The following ITSN1 variants were observed in gnomAD, a reference collection of about 807,000 sequenced individuals.
ITSN1 encodes intersectin-1.
In ITSN1, 58 loss-of-function variants were observed where a neutral mutation model predicts 239.8. That is an observed-to-expected ratio of 0.24 (90% CI 0.20 to 0.30). ITSN1 has a LOEUF of 0.30. Among genes scored for constraint, ITSN1 ranks in the 10% least tolerant of loss-of-function variants. The pLI is 1.00. For synonymous variants in ITSN1, 780 were observed against 770.8 expected (o/e 1.01, Z -0.20); for missense variants, 1,558 against 2,103.3 (o/e 0.74, Z 5.07).
intron 20 of ITSN1, among the ~76,000 whole-genome samples, chr21:33,803,330 ATTCT>A (rs2072154387): frequency 6.6e-6 from 1 of 152,126 alleles, no homozygotes; most frequent in Non-Finnish European, 1.5e-5. Flanking sequence ...CCTTCCTCTC[ATTCT>A]TCTCCTTCCT....
At chr21:33,762,359 C>T (rs564375953) in intron 9 of ITSN1, among the ~76,000 whole-genome samples, 24 of 151,958 alleles carry the variant, frequency 1.6e-4, no homozygotes, top group Admixed American at 3.9e-4. Flanking sequence ...CTCCACCTCC[C>T]GGGTTCAAGC....
intron 14 of ITSN1, among the ~76,000 whole-genome samples, chr21:33,776,433 CACCTGTAGT>C (rs2069626217): frequency 6.7e-6 from 1 of 149,116 alleles, no homozygotes; most frequent in Admixed American, 6.7e-5. Flanking sequence ...TGGGGGCGTT[CACCTGTAGT>C]ACCTGCCTGA....
At chr21:33,844,230 T>C (rs951460193) in intron 29 of ITSN1, among the ~76,000 whole-genome samples, 1 of 152,224 alleles carries the variant, frequency 6.6e-6, no homozygotes, top group Non-Finnish European at 1.5e-5. Context: ...CAGAGACCTC[T>C]GGACCAAAGA....
chr21:33,654,360 A>AT (rs1186192357), intron 1 of ITSN1, among the ~76,000 whole-genome samples: 4 of 151,278 alleles, frequency 2.6e-5, no homozygotes, highest in African/African-American at 9.7e-5. Flanking sequence ...CTGGCCTTTG[A>AT]TTTTTTAAAT....
intron 36 of ITSN1, 41 bp downstream of exon 36, chr21:33,883,712 A>G (rs1016283239): frequency 6.2e-7 from 1 of 1,605,816 alleles, no homozygotes; most frequent in African/African-American, 1.3e-5. Context: ...CCAGGGCTCC[A>G]CGGCTCTAGG....
At position 33,893,826 on chromosome 21, in the gene ITSN1, C is replaced by T. The variant is rs1349626071; in HGVS notation, c.*5526C>T. Reference sequence around the variant, plus strand: ...CATTTCATCAGGATCAAGTAAGATACATAACCTTATATCTGTAGGAGCCAG... The same window carrying T: ...CATTTCATCAGGATCAAGTAAGATATATAACCTTATATCTGTAGGAGCCAG... On this transcript the variant is annotated 3_prime_UTR_variant, in exon 40 of 40. Transcript: ENST00000381318. The T allele has an allele frequency of 6.7e-6, 1 of 149,368 alleles. No homozygotes were observed. The highest frequency in any genetic ancestry group is 1.5e-5 in the Non-Finnish European group (1 of 67,536). The allele number at this position is 149,368 out of a possible 1,614,324, so 9.3% of individuals were successfully genotyped here.
rs527473066 is a variant in ITSN1 at position 33,730,300 on chromosome 21, C to T, written c.186-4744C>T. ...TATTTTTGTTGGAAAAAAGCAGGTACATAATGTATATAACGTGTATGTATT... is the reference window on the plus strand; with the variant it reads ...TATTTTTGTTGGAAAAAAGCAGGTATATAATGTATATAACGTGTATGTATT... On this transcript the variant is annotated intron_variant, in intron 4 of 39. Coordinates refer to ENST00000381318, the MANE Select transcript of ITSN1 (RefSeq NM_003024.3). 4.7e-5 allele frequency among the ~76,000 whole-genome samples: 7 copies of T among 148,406 alleles called. 1 individual carries two copies. In the South Asian group the frequency reaches 1.5e-3, roughly 33 times the overall value.
At chr21:33,877,825 TTGTGTGTGTGTG>T (rs3835379) in intron 34 of ITSN1, among the ~76,000 whole-genome samples, 67,530 of 147,184 alleles carry the variant, frequency 0.46, 15,703 homozygotes, top group African/African-American at 0.58. Context: ...TGTTTCTATT[TTGTGTGTGTGTG>T]TGTGTGTGTG....
intron 1 of ITSN1, among the ~76,000 whole-genome samples, chr21:33,702,501 T>G (rs1222176143): frequency 3.3e-5 from 5 of 152,192 alleles, no homozygotes; most frequent in Admixed American, 2.0e-4. Context: ...CAATTACAGT[T>G]TAATTATTTG....
At chr21:33,845,958 G>C (rs529761837) in intron 29 of ITSN1, among the ~76,000 whole-genome samples, 1 of 152,260 alleles carries the variant, frequency 6.6e-6, no homozygotes, top group African/African-American at 2.4e-5. Context: ...GGAAGGGATG[G>C]GGGTGCAGGC....
At chr21:33,725,133 G>GTTTTTTTTTTTTT (rs1171718411) in intron 4 of ITSN1, among the ~76,000 whole-genome samples, 3 of 91,176 alleles carry the variant, frequency 3.3e-5, no homozygotes, top group Non-Finnish European at 3.9e-5. Flanking sequence ...TTTTTTTTTT[G>GTTTTTTTTTTTTT]TTTTTTTTTT....
chr21:33,879,708 C>A (rs1480875242), intron 34 of ITSN1, among the ~76,000 whole-genome samples: 3 of 152,148 alleles, frequency 2.0e-5, no homozygotes, highest in African/African-American at 4.8e-5. Context: ...GAGACAGAGT[C>A]TCACTCTCTT....
Position 33,817,692 on chromosome 21 carries a change from T to C in ITSN1, c.2728-575T>C, listed in dbSNP as rs182623889. ...ACTGTTTTTTTCATCTGTAATCTCATGGGGCAGTGCATGTAGATGTACAAT... is the reference window on the plus strand; with the variant it reads ...ACTGTTTTTTTCATCTGTAATCTCACGGGGCAGTGCATGTAGATGTACAAT... On this transcript the variant is annotated intron_variant, in intron 22 of 39. Coordinates refer to ENST00000381318, the MANE Select transcript of ITSN1 (RefSeq NM_003024.3). 96 of 1,109,030 alleles carry C rather than the reference T, an allele frequency of 8.7e-5. 1 individual carries two copies. In the East Asian group the frequency reaches 4.4e-3, roughly 50 times the overall value. The allele number at this position is 1,109,030 out of a possible 1,614,324, so 68.7% of individuals were successfully genotyped here. A position where few individuals can be genotyped will look rare whatever the true frequency, so the allele number is the denominator to read the frequency against.
At position 33,882,188 on chromosome 21, in the gene ITSN1, T is replaced by C. The variant is rs1985049099; in HGVS notation, c.4342-55T>C. On this transcript the variant is annotated intron_variant, in intron 34 of 39. Coordinates refer to ENST00000381318, the MANE Select transcript of ITSN1 (RefSeq NM_003024.3). This position sits in a 1 kb window ranked among gnomAD's most constrained non-coding sequence, Gnocchi z 4.5. ...CTCTGATTCTGATGGAGCCCATGCT[T>C]TCAGATGCGGAGAAACAAAAATGCT... 2.7e-6 allele frequency: 4 copies of C among 1,501,134 alleles called. No homozygotes were observed. The Admixed American group carries it at 7.1e-5, about 27-fold the overall frequency. The allele number at this position is 1,501,134 out of a possible 1,614,324, so 93.0% of individuals were successfully genotyped here. A position where few individuals can be genotyped will look rare whatever the true frequency, so the allele number is the denominator to read the frequency against.
chr21:33,680,919 C>G (rs148110204), intron 1 of ITSN1, among the ~76,000 whole-genome samples: 235 of 152,310 alleles, frequency 1.5e-3, no homozygotes, highest in African/African-American at 5.4e-3. Context: ...ATTAATTAGT[C>G]AGCTTTTGCT....
chr21:33,732,941 GA>G (rs1411665781), intron 4 of ITSN1, among the ~76,000 whole-genome samples: 3 of 152,138 alleles, frequency 2.0e-5, no homozygotes, highest in Non-Finnish European at 4.4e-5. Flanking sequence ...TGAACAACCG[GA>G]AAGATTGTCT....
chr21:33,805,308 T>C (rs2072328748), intron 20 of ITSN1, among the ~76,000 whole-genome samples: 1 of 152,252 alleles, frequency 6.6e-6, no homozygotes. Flanking sequence ...TTAGTGTTAC[T>C]CTTATAACAA....
intron 22 of ITSN1, chr21:33,817,140 G>A: frequency 8.4e-7 from 1 of 1,196,834 alleles, no homozygotes; most frequent in South Asian, 1.6e-5. Context: ...TTGAAAGTTG[G>A]TGTTTCATTT....
At chr21:33,869,698 G>T (rs1461299654) in intron 33 of ITSN1, among the ~76,000 whole-genome samples, 5 of 152,138 alleles carry the variant, frequency 3.3e-5, no homozygotes, top group Non-Finnish European at 7.3e-5. Context: ...TATAGCTCCT[G>T]GAAAGAGGTT....
Sources: allele counts gnomAD v4.1 joint callset (sites outside exome capture counted in the v4.1 genomes callset), GRCh38; gene constraint gnomAD v4.1.1; non-coding constraint Gnocchi (gnomAD v3.1); transcripts MANE v1.5; gene names NCBI Gene and HGNC (gene_info 2026-07-23, HGNC 2026-07-21).